Variants in NAF1 observed in about 807,000 individuals in gnomAD.
NAF1 encodes the protein H/ACA ribonucleoprotein complex non-core subunit NAF1.
NAF1 carries 11 observed loss-of-function variants against 40.6 expected under a neutral mutation model. That is an observed-to-expected ratio of 0.27 (90% confidence interval 0.17 to 0.45). The LOEUF (loss-of-function observed/expected upper bound fraction) is 0.45. Ranked by LOEUF, NAF1 falls within the 20% of genes least tolerant of loss-of-function variation. The probability of loss-of-function intolerance (pLI) is 1.00; values close to 1 mark genes in which losing one functional copy is unlikely to be tolerated. For synonymous variants in NAF1, 260 were observed against 228.5 expected (o/e 1.14, Z -1.24); for missense variants, 607 against 611.1 (o/e 0.99, Z 0.07).
chr4:163,161,033 A>G (rs1168714370), intron 2 of NAF1, among the ~76,000 whole-genome samples: 1 of 152,020 alleles, frequency 6.6e-6, no homozygotes, highest in African/African-American at 2.4e-5. Flanking sequence ...AAAAAAAAAA[A>G]AAAAAAATCT....
intron 4 of NAF1, among the ~76,000 whole-genome samples, chr4:163,144,623 T>A (rs929169713): frequency 2.0e-5 from 3 of 152,222 alleles, no homozygotes; most frequent in Non-Finnish European, 2.9e-5. Context: ...AAGTATTTTT[T>A]AAAAACTTGT....
At chr4:163,139,957 A>G (rs1223032056) in intron 5 of NAF1, among the ~76,000 whole-genome samples, 1 of 152,144 alleles carries the variant, frequency 6.6e-6, no homozygotes, top group African/African-American at 2.4e-5. Context: ...AATGTACATA[A>G]TGGAAAAAAC....
chr4:163,152,878 C>CG (rs1333682936), intron 2 of NAF1, among the ~76,000 whole-genome samples: 1 of 152,182 alleles, frequency 6.6e-6, no homozygotes, highest in African/African-American at 2.4e-5. Flanking sequence ...GGGCTGCGCG[C>CG]GGCGCTTGCG....
chr4:163,163,744 A>C (rs1012206297), intron 2 of NAF1, among the ~76,000 whole-genome samples: 1 of 152,120 alleles, frequency 6.6e-6, no homozygotes, highest in African/African-American at 2.4e-5. Context: ...GAATCCTAAC[A>C]AGTTCAACCC....
rs763772943 is a variant in NAF1 at position 163,145,862 on chromosome 4, T to C, written c.637A>G (p.Ile213Val). 15 of 1,416,942 alleles carry C rather than the reference T, an allele frequency of 1.1e-5. No individual in the cohort carries two copies. Among genetic ancestry groups the C allele is most frequent in the Non-Finnish European group, 1.4e-5 (14 of 1,018,910 alleles). 87.8% of individuals were successfully genotyped at this position (1,416,942 alleles called of 1,614,324 possible). ...GGTAGGTTAGTCATAGATTCAATTA[T>C]TACTGAAAAATAAAATAGATTACTT... Reference protein sequence around the residue: ...MVSSIIEQLVIIESMTNLPPV... With the variant: ...MVSSIIEQLVVIESMTNLPPV... The change falls in exon 4 of 8, where the codon ATA becomes GTA. Residue 213 changes from isoleucine (I) to valine (V), a missense_variant and splice_region_variant. Transcript: ENST00000274054.
At chr4:163,134,708 T>C (rs972352080) in intron 6 of NAF1, among the ~76,000 whole-genome samples, 2 of 152,054 alleles carry the variant, frequency 1.3e-5, no homozygotes, top group South Asian at 2.1e-4. Context: ...ATAAAGGGAA[T>C]TTTCAGAAAA....
At chr4:163,113,627 A>G (rs1000582135) in intron 2 of NAF1, among the ~76,000 whole-genome samples, 35 of 152,130 alleles carry the variant, frequency 2.3e-4, no homozygotes, top group African/African-American at 8.0e-4. Flanking sequence ...GTTTTCCAGG[A>G]CAATTATAGA....
At chr4:163,109,090 G>A (rs919870222), downstream of NAF1, among the ~76,000 whole-genome samples, 2 of 151,414 alleles carry the variant, frequency 1.3e-5, no homozygotes, top group Non-Finnish European at 2.9e-5. Context: ...GCATTTCAGT[G>A]AGGAGCAGAA....
intron 3 of NAF1, among the ~76,000 whole-genome samples, chr4:163,147,060 T>C (rs985908956): frequency 3.3e-5 from 5 of 152,006 alleles, no homozygotes; most frequent in Non-Finnish European, 7.4e-5. Context: ...GTTTGATTTA[T>C]CTATATATAT....
intron 2 of NAF1, among the ~76,000 whole-genome samples, chr4:163,154,151 C>G (rs1300888747): frequency 6.6e-6 from 1 of 152,240 alleles, no homozygotes; most frequent in Non-Finnish European, 1.5e-5. Flanking sequence ...CTGTAACACT[C>G]ACCGCGAAGG....
At chr4:163,116,909 T>A (rs1023834007) in intron 2 of NAF1, among the ~76,000 whole-genome samples, 2 of 139,060 alleles carry the variant, frequency 1.4e-5, no homozygotes, top group African/African-American at 5.7e-5. Context: ...TCCCTAACAT[T>A]GCAGAGTCCT....
chr4:163,111,997 T>G (rs569519153), intron 2 of NAF1, among the ~76,000 whole-genome samples: 1 of 152,174 alleles, frequency 6.6e-6, no homozygotes, highest in African/African-American at 2.4e-5. Context: ...TTTCCACTAA[T>G]GGAGGGGGAA....
At chr4:163,146,076 T>C (rs1479089) in intron 3 of NAF1, among the ~76,000 whole-genome samples, 118,368 of 152,020 alleles carry the variant, frequency 0.78, 46,121 homozygotes, top group South Asian at 0.84. Flanking sequence ...CAAAAAGCTA[T>C]AATTCTAAGG....
chr4:163,146,213 A>C (rs1196369990), intron 3 of NAF1, among the ~76,000 whole-genome samples: 1 of 152,210 alleles, frequency 6.6e-6, no homozygotes, highest in Non-Finnish European at 1.5e-5. Context: ...TTAGTTGTAA[A>C]ACTGTTTTAG....
At chr4:163,145,504 C>G (rs886338445) in intron 4 of NAF1, among the ~76,000 whole-genome samples, 1 of 152,170 alleles carries the variant, frequency 6.6e-6, no homozygotes, top group African/African-American at 2.4e-5. Flanking sequence ...TTATGCATTA[C>G]GTAGACTCAC....
At chr4:163,137,837 C>T (rs1364309169) in intron 5 of NAF1, among the ~76,000 whole-genome samples, 1 of 152,058 alleles carries the variant, frequency 6.6e-6, no homozygotes, top group African/African-American at 2.4e-5. Context: ...AGAGAAGCTG[C>T]TTTAAAGATT....
intron 2 of NAF1, among the ~76,000 whole-genome samples, chr4:163,148,702 T>C (rs1731576187): frequency 1.3e-5 from 2 of 152,278 alleles, no homozygotes; most frequent in South Asian, 4.1e-4. Flanking sequence ...TATTCTACAT[T>C]CTTTCAGTCA....
intron 2 of NAF1, among the ~76,000 whole-genome samples, chr4:163,116,193 T>A (rs1730332628): frequency 6.6e-6 from 1 of 152,184 alleles, no homozygotes; most frequent in South Asian, 2.1e-4. Flanking sequence ...AGTTTCCAAC[T>A]AATTAATAGG....
At chr4:163,144,089 A>C (rs1014794640) in intron 4 of NAF1, 62 of 898,430 alleles carry the variant, frequency 6.9e-5, no homozygotes, top group Non-Finnish European at 8.0e-5. Context: ...ATAATCGTTT[A>C]AAAAGGAATC....
Sources: allele counts gnomAD v4.1 joint callset (sites outside exome capture counted in the v4.1 genomes callset), GRCh38; gene constraint gnomAD v4.1.1; transcripts MANE v1.5; gene names NCBI Gene and HGNC (gene_info 2026-07-23, HGNC 2026-07-21).